Variants in BLMH observed in about 807,000 individuals in gnomAD.
BLMH encodes the protein bleomycin hydrolase.
In BLMH, 32 loss-of-function variants were observed where a neutral mutation model predicts 61.6. That is an observed-to-expected ratio of 0.52 (90% CI 0.39 to 0.70). The LOEUF (loss-of-function observed/expected upper bound fraction) is 0.70, where lower values mean the gene tolerates loss of function less well. Among genes scored for constraint, BLMH ranks in the 30% least tolerant of loss-of-function variants. BLMH has a pLI of 0.00. For missense variants in BLMH, 460 were observed against 555.5 expected (o/e 0.83, Z 1.73); for synonymous variants, 183 against 193.8 (o/e 0.94, Z 0.46).
At chr17:30,285,366 A>T (rs1908697518) in intron 6 of BLMH, 22 bp downstream of exon 6, 1 of 1,588,384 alleles carries the variant, frequency 6.3e-7, no homozygotes, top group African/African-American at 1.4e-5. Flanking sequence ...GGGTCACAAA[A>T]AAATCCAAAT....
chr17:30,283,518 C>A (rs1908646257), intron 6 of BLMH, among the ~76,000 whole-genome samples: 1 of 127,068 alleles, frequency 7.9e-6, no homozygotes, highest in Non-Finnish European at 1.6e-5. Context: ...ATACCTCCAT[C>A]TTTTTTTTTT....
At chr17:30,271,891 G>A (rs1908281697) in intron 9 of BLMH, among the ~76,000 whole-genome samples, 1 of 152,162 alleles carries the variant, frequency 6.6e-6, no homozygotes, top group African/African-American at 2.4e-5. Context: ...TGTGAGAGAG[G>A]TCCTTGCATG....
intron 6 of BLMH, among the ~76,000 whole-genome samples, chr17:30,276,854 G>A (rs1323168348): frequency 1.3e-5 from 2 of 152,152 alleles, no homozygotes; most frequent in South Asian, 2.1e-4. Flanking sequence ...CTCCTTTGCT[G>A]TTAAGTAACC....
At chr17:30,289,779 G>A (rs1908832611) in intron 2 of BLMH, among the ~76,000 whole-genome samples, 1 of 152,102 alleles carries the variant, frequency 6.6e-6, no homozygotes, top group African/African-American at 2.4e-5. Context: ...TTAACTGAGA[G>A]CGCCATTAGA....
intron 6 of BLMH, among the ~76,000 whole-genome samples, chr17:30,277,437 A>G (rs1908453532): frequency 6.6e-6 from 1 of 152,264 alleles, no homozygotes; most frequent in African/African-American, 2.4e-5. Flanking sequence ...ATGAAGGTGT[A>G]CAGTCAGAAC....
rs200054404 is a variant in BLMH, at chr17:30,256,031, C to G, written c.1217-6863G>C. ...CCTCCCAAGTAGCTAGGACTACAGA[C>G]GTGCGCCTCCTCACCCACTTAATTT... On this transcript the variant is annotated intron_variant, in intron 11 of 11. Coordinates refer to ENST00000261714, the MANE Select transcript of BLMH (RefSeq NM_000386.4). Among the ~76,000 whole-genome samples, 13 of 152,268 alleles carry G rather than the reference C, an allele frequency of 8.5e-5. No homozygotes were observed. The East Asian group carries it at 2.5e-3, about 29-fold the overall frequency.
rs762878901 is a variant in BLMH at position 30,266,959 on chromosome 17, A to C, written c.1147-5T>G. On this transcript the variant is annotated splice_polypyrimidine_tract_variant and splice_region_variant and intron_variant, in intron 10 of 11. Coordinates refer to ENST00000261714, the MANE Select transcript of BLMH (RefSeq NM_000386.4). ...GAAAGCACCATCCTGATCATCCTGC[A>C]AAAAAGTGGATGATGGTGAGTAGTC... 1.2e-6 allele frequency: 2 copies of C among 1,613,748 alleles called. No individual in the cohort carries two copies. The highest frequency in any genetic ancestry group is 3.3e-5 in the Admixed American group (2 of 60,006).
Position 30,285,428 on chromosome 17 carries a change from T to C in BLMH, c.605A>G (p.Lys202Arg). 1 of 1,612,702 alleles carries C rather than the reference T, an allele frequency of 6.2e-7. No individual in the cohort carries two copies. Among genetic ancestry groups the C allele is most frequent in the South Asian group, 1.1e-5 (1 of 90,718 alleles). ...GTCCTGTGTGGCCGAGATTTCTCCTTTGGTTGCTCCACTGTGTACCAGGTT... is the reference window on the plus strand; with the variant it reads ...GTCCTGTGTGGCCGAGATTTCTCCTCTGGTTGCTCCACTGTGTACCAGGTT... ...LRNLVHSGAT[K>R]GEISATQDVM... The change falls in exon 6 of 12, where the codon AAA (lysine) becomes AGA (arginine). Residue 202 changes from lysine (K) to arginine (R), a missense_variant. Lys to Arg is a conservative substitution (Grantham distance 26). Coordinates refer to ENST00000261714, the MANE Select transcript of BLMH (RefSeq NM_000386.4).
At chr17:30,290,706 T>C (rs1597669708) in intron 2 of BLMH, among the ~76,000 whole-genome samples, 1 of 152,304 alleles carries the variant, frequency 6.6e-6, no homozygotes, top group African/African-American at 2.4e-5. Context: ...TCTTTCACTA[T>C]ACCTGTTTTT....
chr17:30,291,411 C>G lies in BLMH; in HGVS notation c.111G>C (p.Leu37=). 3 of 1,614,196 alleles carry G rather than the reference C, an allele frequency of 1.9e-6. No homozygotes were observed. Among genetic ancestry groups the G allele is most frequent in the Non-Finnish European group, 2.5e-6 (3 of 1,180,048 alleles). Residue 37 remains leucine, a synonymous_variant, in exon 2 of 12, where the codon CTG becomes CTC. Transcript: ENST00000261714. ...AQNVGTTHDL[L]DICLKRATVQ... ...CCGTGGCCCGCTTCAGACAGATGTC[C>G]AGCAGGTCGTGGGTGGTCCCGACAT...
chr17:30,288,151 G>A, intron 3 of BLMH: 1 of 468,584 alleles, frequency 2.1e-6, no homozygotes, highest in South Asian at 3.4e-5. Flanking sequence ...ACCCCAGTTT[G>A]GGGACTTACG....
chr17:30,265,021 T>C (rs1908061304), intron 11 of BLMH, among the ~76,000 whole-genome samples: 1 of 152,222 alleles, frequency 6.6e-6, no homozygotes, highest in Non-Finnish European at 1.5e-5. Flanking sequence ...TTAAAAAGTA[T>C]TCTAATTCGT....
At chr17:30,257,691 A>T (rs998323420) in intron 11 of BLMH, among the ~76,000 whole-genome samples, 9 of 152,226 alleles carry the variant, frequency 5.9e-5, no homozygotes, top group African/African-American at 2.2e-4. Context: ...ATGCAATTTC[A>T]CATCACTATC....
chr17:30,280,748 G>A (rs35724800), intron 6 of BLMH, among the ~76,000 whole-genome samples: 45,974 of 151,990 alleles, frequency 0.3, 7,250 homozygotes, highest in Admixed American at 0.34. Context: ...AAGGCACTGG[G>A]ATTATAGACA....
At chr17:30,263,020 C>T (rs995281300) in intron 11 of BLMH, among the ~76,000 whole-genome samples, 9 of 152,168 alleles carry the variant, frequency 5.9e-5, no homozygotes, top group Non-Finnish European at 8.8e-5. Flanking sequence ...CAATGTCAGA[C>T]ATTTACATAA....
At chr17:30,272,484 A>G in intron 9 of BLMH, 77 bp downstream of exon 9, 1 of 1,519,002 alleles carries the variant, frequency 6.6e-7, no homozygotes, top group South Asian at 1.1e-5. Flanking sequence ...ACCTCGGCAG[A>G]GTCATTTTGT....
rs189443465 is a variant in BLMH, at chr17:30,271,376, C to T, written c.1041G>A (p.Glu347=). The T allele has an allele frequency of 5.6e-5, 90 of 1,613,208 alleles. 3 individuals are homozygous for T. The Admixed American group carries it at 1.3e-3, about 23-fold the overall frequency. ...TCTTCAAGGAGACACCAAACACTAA[C>T]TCATGGTCATAGCTGTAAAAAGAAT... ...GLSDMNLYDH[E]LVFGVSLKNM... The change falls in exon 10 of 12, where the codon GAG becomes GAA. Residue 347 remains glutamate, a synonymous_variant. Coordinates refer to ENST00000261714, the MANE Select transcript of BLMH (RefSeq NM_000386.4).
intron 11 of BLMH, among the ~76,000 whole-genome samples, chr17:30,261,210 A>AC (rs1907949171): frequency 1.3e-5 from 2 of 152,206 alleles, no homozygotes; most frequent in Non-Finnish European, 2.9e-5. Flanking sequence ...TGTCTGTGTC[A>AC]AATTAAGAGA....
intron 9 of BLMH, 183 bp downstream of exon 9, chr17:30,272,378 G>A: frequency 1.5e-6 from 1 of 687,588 alleles, no homozygotes; most frequent in South Asian, 1.8e-5. Context: ...CTGGGTTAGA[G>A]TGTTTAAGTA....
Sources: allele counts gnomAD v4.1 joint callset (sites outside exome capture counted in the v4.1 genomes callset), GRCh38; gene constraint gnomAD v4.1.1; transcripts MANE v1.5; gene names NCBI Gene and HGNC (gene_info 2026-07-23, HGNC 2026-07-21).